TAFA4: variants seen among roughly 807,000 people sequenced by gnomAD.
TAFA4 encodes chemokine-like protein TAFA-4.
In TAFA4, 20 loss-of-function variants were observed where a neutral mutation model predicts 21.1. That is an observed-to-expected ratio of 0.95 (90% confidence interval 0.67 to 1.38). TAFA4 has a LOEUF of 1.38. Ranked by LOEUF, TAFA4 falls within the 40% of genes most tolerant of loss-of-function variation. TAFA4 has a pLI of 0.00. For synonymous variants in TAFA4, 71 were observed against 67.4 expected (o/e 1.05, Z -0.26); for missense variants, 211 against 180.9 (o/e 1.17, Z -0.95).
At chr3:68,919,712 A>G (rs2090040025) in intron 1 of TAFA4, among the ~76,000 whole-genome samples, 1 of 152,198 alleles carries the variant, frequency 6.6e-6, no homozygotes, top group Admixed American at 6.5e-5. Context: ...TTCCACCATC[A>G]CAGGGAAGTT....
intron 4 of TAFA4, among the ~76,000 whole-genome samples, chr3:68,741,714 C>A (rs1438755775): frequency 6.6e-6 from 1 of 152,052 alleles, no homozygotes; most frequent in East Asian, 1.9e-4. Flanking sequence ...ATGGTGTGAA[C>A]CCGGGAGGTG....
chr3:68,855,608 G>A (rs1400264927), intron 3 of TAFA4, among the ~76,000 whole-genome samples: 1 of 151,910 alleles, frequency 6.6e-6, no homozygotes, highest in African/African-American at 2.4e-5. Flanking sequence ...ATAAGTAGGG[G>A]GGAAAAAAGT....
chr3:68,885,802 A>G (rs151133811), intron 1 of TAFA4, among the ~76,000 whole-genome samples: 15 of 152,330 alleles, frequency 9.8e-5, no homozygotes, highest in Non-Finnish European at 2.2e-4. Flanking sequence ...TTTTGAAAAA[A>G]TATTAATAGG....
At chr3:68,782,706 C>A (rs971480507) in intron 3 of TAFA4, among the ~76,000 whole-genome samples, 1 of 152,024 alleles carries the variant, frequency 6.6e-6, no homozygotes, top group Non-Finnish European at 1.5e-5. Context: ...ATCCCTAGAG[C>A]AGAAAGCAAA....
At chr3:68,850,149 A>G (rs1462281666) in intron 3 of TAFA4, among the ~76,000 whole-genome samples, 1 of 152,168 alleles carries the variant, frequency 6.6e-6, no homozygotes. Context: ...TTAAACCTTC[A>G]AATAAATGCA....
At position 68,752,583 on chromosome 3, in the gene TAFA4, G is replaced by C. The variant is rs146930016; in HGVS notation, c.286+280C>G. On this transcript the variant is annotated intron_variant, in intron 4 of 5. Transcript: ENST00000295569. ...GGCATCAGAGGAAACAATTGCTTTG[G>C]TGAGTGAGATTTGGAGACAGGTGGG... Among the ~76,000 whole-genome samples, 774 of 152,294 alleles carry C rather than the reference G, an allele frequency of 5.1e-3. 7 individuals are homozygous for C. The highest frequency in any genetic ancestry group is 0.018 in the African/African-American group (745 of 41,556).
chr3:68,829,489 G>A (rs546478376), intron 3 of TAFA4, among the ~76,000 whole-genome samples: 10 of 152,268 alleles, frequency 6.6e-5, no homozygotes, highest in Admixed American at 2.6e-4. Flanking sequence ...GATGGATTAC[G>A]TTTATTGATT....
At chr3:68,743,467 T>G (rs890601876) in intron 4 of TAFA4, among the ~76,000 whole-genome samples, 8 of 151,364 alleles carry the variant, frequency 5.3e-5, no homozygotes, top group African/African-American at 1.9e-4. Flanking sequence ...TTCCAGCTAC[T>G]CAGGAGGCTG....
chr3:68,874,259 C>T (rs561195603), intron 3 of TAFA4, among the ~76,000 whole-genome samples: 19 of 152,250 alleles, frequency 1.2e-4, no homozygotes, highest in African/African-American at 4.3e-4. Flanking sequence ...ACAGTCTTCT[C>T]ACAATCAATC....
chr3:68,905,792 G>C (rs1266934481), intron 1 of TAFA4, among the ~76,000 whole-genome samples: 1 of 152,132 alleles, frequency 6.6e-6, no homozygotes, highest in Non-Finnish European at 1.5e-5. Flanking sequence ...TTGGTCAGGG[G>C]GTAAACGTAC....
At chr3:68,891,121 A>C (rs1177460040) in intron 1 of TAFA4, among the ~76,000 whole-genome samples, 4 of 152,164 alleles carry the variant, frequency 2.6e-5, no homozygotes, top group Admixed American at 2.6e-4. Flanking sequence ...GAACTCTCTA[A>C]AACGTTTCAG....
chr3:68,801,942 T>A (rs1384486431), intron 3 of TAFA4, among the ~76,000 whole-genome samples: 3 of 141,616 alleles, frequency 2.1e-5, no homozygotes, highest in African/African-American at 7.6e-5. Context: ...AAATTCGATG[T>A]ATTTTTTTTT....
At chr3:68,844,266 AT>A (rs1448235700) in intron 3 of TAFA4, among the ~76,000 whole-genome samples, 15 of 152,038 alleles carry the variant, frequency 9.9e-5, no homozygotes, top group African/African-American at 3.6e-4. Context: ...GTGTCCAGGA[AT>A]TTATCCATTT....
intron 1 of TAFA4, among the ~76,000 whole-genome samples, chr3:68,893,998 T>A (rs1005167801): frequency 6.6e-6 from 1 of 152,164 alleles, no homozygotes; most frequent in African/African-American, 2.4e-5. Context: ...ATAATTTAAA[T>A]AACACTATCA....
At chr3:68,803,350 G>A (rs1003279088) in intron 3 of TAFA4, among the ~76,000 whole-genome samples, 1 of 152,182 alleles carries the variant, frequency 6.6e-6, no homozygotes, top group Admixed American at 6.5e-5. Flanking sequence ...GGAAGAGGGA[G>A]ATTTGATTTG....
At chr3:68,785,553 G>A (rs750023222) in intron 3 of TAFA4, among the ~76,000 whole-genome samples, 8 of 152,148 alleles carry the variant, frequency 5.3e-5, no homozygotes, top group East Asian at 1.9e-4. Flanking sequence ...CCGGCCGGCC[G>A]CTCCTAATGC....
chr3:68,840,437 G>A (rs537770720), intron 3 of TAFA4, among the ~76,000 whole-genome samples: 5 of 152,196 alleles, frequency 3.3e-5, no homozygotes, highest in African/African-American at 1.2e-4. Flanking sequence ...GGCTAGTCTC[G>A]AACTTCTGAG....
intron 3 of TAFA4, among the ~76,000 whole-genome samples, chr3:68,830,692 G>A (rs1559536176): frequency 2.6e-5 from 4 of 152,198 alleles, no homozygotes; most frequent in Admixed American, 2.6e-4. Context: ...GTTCTGTAGA[G>A]GTCTACTAGG....
At chr3:68,750,734 T>C (rs545620946) in intron 4 of TAFA4, among the ~76,000 whole-genome samples, 11 of 152,324 alleles carry the variant, frequency 7.2e-5, no homozygotes, top group African/African-American at 2.6e-4. Flanking sequence ...TAAAAGTGCT[T>C]TGAATATTGT....
Sources: allele counts gnomAD v4.1 joint callset (sites outside exome capture counted in the v4.1 genomes callset), GRCh38; gene constraint gnomAD v4.1.1; transcripts MANE v1.5; gene names NCBI Gene and HGNC (gene_info 2026-07-23, HGNC 2026-07-21).